The following LYST variants were observed in gnomAD, a reference collection of about 807,000 sequenced individuals.
LYST encodes the protein lysosomal-trafficking regulator.
In LYST, 192 loss-of-function variants were observed where a neutral mutation model predicts 413.6. That is an observed-to-expected ratio of 0.46 (90% CI 0.41 to 0.52). LYST has a LOEUF of 0.52. LYST is among the 20% of genes least tolerant of loss of function. LYST has a pLI of 0.00. For synonymous variants in LYST, 1,525 were observed against 1,567.3 expected, an observed-to-expected ratio of 0.97 and a Z score of 0.64; for missense variants, 3,815 against 4,499.9, an observed-to-expected ratio of 0.85 and a Z score of 4.35.
Position 235,744,088 on chromosome 1 carries a change from A to G in LYST, c.8042T>C (p.Phe2681Ser), listed in dbSNP as rs371797959. The part of the protein sequence containing the change: ...ENVTQSKTSV[F>S]QTEISEENIH... ...ATTTTCCTCAGAAATTTCGGTCTGG[A>G]AAACTGAGGTCTTGCTTTGAGTTAC... Residue 2681 changes from phenylalanine (F) to serine (S), a missense_variant, in exon 30 of 53, where the codon TTC (phenylalanine) becomes TCC (serine). Phe to Ser is a radical substitution (Grantham distance 155). Coordinates refer to ENST00000389793, the MANE Select transcript of LYST (RefSeq NM_000081.4). 8 of 1,601,348 alleles carry G rather than the reference A, an allele frequency of 5.0e-6. No individual in the cohort carries two copies. Among genetic ancestry groups the G allele is most frequent in the African/African-American group, 1.3e-5 (1 of 74,666 alleles).
At chr1:235,764,303 G>A (rs1353737867) in intron 21 of LYST, among the ~76,000 whole-genome samples, 1 of 151,892 alleles carries the variant, frequency 6.6e-6, no homozygotes, top group Non-Finnish European at 1.5e-5. Context: ...CCCTCAACTA[G>A]GCTGTAAACG....
chr1:235,751,249 G>A lies in LYST; in HGVS notation c.7741C>T (p.Pro2581Ser). The A allele has an allele frequency of 6.2e-7, 1 of 1,613,770 alleles. No homozygotes were observed. The highest frequency in any genetic ancestry group is 2.2e-5 in the East Asian group (1 of 44,878). ...CGCTTTTGAACTACTGCATGATGGGGAGCAGAAGGTGACTGGAGTGAATCT... is the reference window on the plus strand; with the variant it reads ...CGCTTTTGAACTACTGCATGATGGGAAGCAGAAGGTGACTGGAGTGAATCT... ...LTDSLQSPSA[P>S]HHAVVQKRKS... Residue 2581 changes from proline to serine, a missense_variant, in exon 28 of 53, where the codon CCC (proline) becomes TCC (serine). Pro to Ser is a moderately conservative substitution (Grantham distance 74). Transcript: ENST00000389793.
intron 52 of LYST, among the ~76,000 whole-genome samples, chr1:235,663,479 AAAGAG>A (rs1038170059): frequency 4.6e-5 from 7 of 152,308 alleles, no homozygotes; most frequent in African/African-American, 1.4e-4. Flanking sequence ...TATTTCCCTA[AAAGAG>A]AAAAGGAAAA....
At chr1:235,756,425 C>T (rs1188781060) in intron 24 of LYST, among the ~76,000 whole-genome samples, 1 of 152,150 alleles carries the variant, frequency 6.6e-6, no homozygotes. Flanking sequence ...GAGACTCTCC[C>T]TTCTAGACTG....
rs763216711 is a variant in LYST at position 235,697,181 on chromosome 1, T to C, written c.10466A>G (p.His3489Arg). ...PVPVVCFSQPHGERFGSLQAL... is the reference protein window; with the variant it reads ...PVPVVCFSQPRGERFGSLQAL... ...CTGGAGAGAGCCAAATCTTTCTCCG[T>C]GGGGCTGGCTGAAGCAGACCACAGG... The change falls in exon 46 of 53, where the codon CAC becomes CGC. Residue 3489 changes from histidine to arginine, a missense_variant. Physicochemically the swap from His to Arg is conservative, Grantham distance 29 (BLOSUM62 0). This residue lies in a region of LYST where 866 missense variants were observed against 1,156.0 expected (regional missense o/e 0.75). Transcript: ENST00000389793. The C allele has an allele frequency of 3.1e-6, 5 of 1,614,130 alleles. No individual in the cohort carries two copies. In the Admixed American group the frequency reaches 8.3e-5, roughly 27 times the overall value.
chr1:235,878,495 G>A (rs1681235824), intron 1 of LYST, among the ~76,000 whole-genome samples: 2 of 152,112 alleles, frequency 1.3e-5, no homozygotes, highest in African/African-American at 2.4e-5. Flanking sequence ...AATGACGGCC[G>A]CCCTGCTTCC....
At chr1:235,785,207 C>T (rs1670292945) in intron 14 of LYST, among the ~76,000 whole-genome samples, 1 of 152,176 alleles carries the variant, frequency 6.6e-6, no homozygotes, top group African/African-American at 2.4e-5. Context: ...ATACCCTGTT[C>T]TTAGATAGGC....
intron 48 of LYST, among the ~76,000 whole-genome samples, chr1:235,678,779 CTATG>C (rs1659581362): frequency 6.6e-6 from 1 of 151,950 alleles, no homozygotes; most frequent in Non-Finnish European, 1.5e-5. Flanking sequence ...ATTTATACTC[CTATG>C]TAAGTTTTTA....
At chr1:235,683,014 T>C (rs1310243722) in intron 48 of LYST, among the ~76,000 whole-genome samples, 3 of 152,232 alleles carry the variant, frequency 2.0e-5, no homozygotes, top group Non-Finnish European at 2.9e-5. Flanking sequence ...CCATTCATTA[T>C]TGTAAAAAAT....
At chr1:235,816,128 C>CAAAAAAAAAA (rs59556548) in intron 3 of LYST, among the ~76,000 whole-genome samples, 3 of 11,804 alleles carry the variant, frequency 2.5e-4, no homozygotes, top group African/African-American at 4.9e-4. Context: ...GACTCCATCT[C>CAAAAAAAAAA]AAAAAAAAAA....
In LYST at chr1:235,771,600, T is replaced by TATC. The variant is rs1558219772; in HGVS notation, c.5785-1304_5785-1303insGAT. Among the ~76,000 whole-genome samples, 441 of 136,026 alleles carry TATC rather than the reference T, an allele frequency of 3.2e-3. 2 individuals carry two copies. The highest frequency in any genetic ancestry group is 0.014 in the African/African-American group (420 of 29,490). 89.2% of individuals were successfully genotyped at this position (136,026 alleles called of 152,430 possible). The stretch of plus-strand genomic sequence containing the variant: ...ACACATATTTTAATCTATCTTATCT[T>TATC]TTTTTTTTAGATCTGAAAGTATATA... On this transcript the variant is annotated intron_variant, in intron 19 of 52. Coordinates refer to ENST00000389793, the MANE Select transcript of LYST (RefSeq NM_000081.4).
intron 1 of LYST, among the ~76,000 whole-genome samples, chr1:235,879,012 A>G (rs1681258015): frequency 1.3e-5 from 2 of 152,158 alleles, no homozygotes; most frequent in African/African-American, 4.8e-5. Flanking sequence ...CCAACAGGTA[A>G]CACATTTTTT....
intron 31 of LYST, chr1:235,735,519 G>GC (rs1450021593): frequency 1.3e-5 from 2 of 152,056 alleles, no homozygotes; most frequent in Non-Finnish European, 2.9e-5. Context: ...TTTTTAAGTG[G>GC]CCCTTACATG....
intron 1 of LYST, among the ~76,000 whole-genome samples, chr1:235,851,292 G>GT (rs1443351278): frequency 6.6e-6 from 1 of 152,044 alleles, no homozygotes; most frequent in Admixed American, 6.6e-5. Flanking sequence ...TCTAAGTGAA[G>GT]TAACTTGGGA....
intron 1 of LYST, among the ~76,000 whole-genome samples, chr1:235,849,971 A>T (rs1678339403): frequency 6.6e-6 from 1 of 152,122 alleles, no homozygotes; most frequent in Non-Finnish European, 1.5e-5. Flanking sequence ...CTACAAATTC[A>T]ATGCAATCCC....
At chr1:235,835,100 T>TC (rs1553315510) in intron 1 of LYST, among the ~76,000 whole-genome samples, 2 of 146,538 alleles carry the variant, frequency 1.4e-5, no homozygotes, top group Non-Finnish European at 3.0e-5. Context: ...GTATTTTTAA[T>TC]GGGGGGGGGT....
chr1:235,781,351 T>A (rs1438797804), intron 15 of LYST, among the ~76,000 whole-genome samples: 1 of 152,158 alleles, frequency 6.6e-6, no homozygotes, highest in Admixed American at 6.5e-5. Flanking sequence ...TTTTACTTTG[T>A]TGTATTTTTT....
intron 13 of LYST, 28 bp downstream of exon 13, chr1:235,788,673 T>C: frequency 1.9e-6 from 3 of 1,606,530 alleles, no homozygotes; most frequent in Non-Finnish European, 2.6e-6. Context: ...ACATTATCTA[T>C]TCATGGGAGG....
intron 3 of LYST, among the ~76,000 whole-genome samples, chr1:235,817,964 G>A (rs1163049938): frequency 1.3e-5 from 2 of 152,122 alleles, no homozygotes; most frequent in African/African-American, 4.8e-5. Flanking sequence ...CCTTGAAGGA[G>A]AAAATACGTA....
Sources: gnomAD v4.1 joint callset for allele counts (sites outside exome capture counted in the v4.1 genomes callset) on GRCh38, gnomAD v4.1.1 for gene constraint, gnomAD v4.1.1 regional missense constraint, MANE v1.5 for transcripts, NCBI Gene and HGNC (gene_info 2026-07-23, HGNC 2026-07-21) for gene names.